PCDHGA5: variants seen among roughly 807,000 people sequenced by gnomAD.
The protein encoded by PCDHGA5 is protocadherin gamma subfamily A, 5, also known as protocadherin gamma-A5.
A neutral mutation model predicts 56.7 loss-of-function variants in PCDHGA5; 36 were observed. The observed-to-expected ratio is 0.64, with a 90% confidence interval of 0.49 to 0.84. PCDHGA5 has a LOEUF of 0.84. Ranked by LOEUF, PCDHGA5 falls within the 40% of genes least tolerant of loss-of-function variation. The pLI is 0.00. For missense variants in PCDHGA5, 1,305 were observed against 1,201.5 expected, an observed-to-expected ratio of 1.09 and a Z score of -1.27; for synonymous variants, 563 against 520.2, an observed-to-expected ratio of 1.08 and a Z score of -1.12.
At chr5:141,390,114 G>A in intron 1 of PCDHGA5, 1 of 1,614,048 alleles carries the variant, frequency 6.2e-7, no homozygotes, top group African/African-American at 1.3e-5. Flanking sequence ...CTACAGCGAG[G>A]GGACTTTGCC....
rs377367120 is a variant in PCDHGA5, at chr5:141,431,614, C to A, written c.2422-63193C>A. On this transcript the variant is annotated intron_variant, in intron 1 of 3. Transcript: ENST00000518069. The surrounding 1 kb of genome is among the most constrained non-coding windows in gnomAD (Gnocchi z 4.8). ...TGAGGTATTCCTTCCGGTATGTGGA[C>A]GACAAGGCGGCCCAAGTTTTCAAAC... The A allele has an allele frequency of 8.7e-6, 14 of 1,614,206 alleles. No individual in the cohort carries two copies. In the African/African-American group the frequency reaches 1.6e-4, roughly 18 times the overall value.
intron 1 of PCDHGA5, chr5:141,371,767 C>A: frequency 6.2e-7 from 1 of 1,614,030 alleles, no homozygotes; most frequent in Non-Finnish European, 8.5e-7. Context: ...GCCTCCTACA[C>A]CGTGCATGTA....
intron 1 of PCDHGA5, chr5:141,408,762 A>G (rs369793035): frequency 1.9e-5 from 30 of 1,610,942 alleles, no homozygotes; most frequent in Non-Finnish European, 2.3e-5. Flanking sequence ...GTTAATTCCG[A>G]TGGTGGCAAA....
At chr5:141,390,177 C>A in intron 1 of PCDHGA5, 1 of 1,613,986 alleles carries the variant, frequency 6.2e-7, no homozygotes, top group Non-Finnish European at 8.5e-7. Context: ...GTTTAATTTC[C>A]TAAAATGTAG....
chr5:141,393,492 C>T (rs778632774), intron 1 of PCDHGA5: 11 of 1,613,922 alleles, frequency 6.8e-6, no homozygotes, highest in African/African-American at 1.3e-5. Flanking sequence ...TAGCACAGTG[C>T]GCATCCACGT....
At chr5:141,474,426 C>T (rs2099349464) in intron 1 of PCDHGA5, among the ~76,000 whole-genome samples, 1 of 152,198 alleles carries the variant, frequency 6.6e-6, no homozygotes, top group Non-Finnish European at 1.5e-5. Context: ...ACCATTGGTC[C>T]TCACACTTTG....
rs758674133 is a variant in PCDHGA5 at position 141,371,791 on chromosome 5, C to T, written c.2421+5040C>T. 1.9e-6 allele frequency: 3 copies of T among 1,613,820 alleles called. No homozygotes were observed. In the African/African-American group the frequency reaches 4.0e-5, roughly 22 times the overall value. The stretch of plus-strand genomic sequence containing the variant: ...ACCGTGCATGTAGCTGAGAACAATC[C>T]GCCTGGAGCCTCCATTGCGCATGTC... On this transcript the variant is annotated intron_variant, in intron 1 of 3. Coordinates refer to ENST00000518069, the MANE Select transcript of PCDHGA5 (RefSeq NM_018918.3).
intron 1 of PCDHGA5, chr5:141,395,542 TTGTG>T (rs55729045): frequency 0.22 from 37,255 of 170,042 alleles, 4,387 homozygotes; most frequent in East Asian, 0.36. Flanking sequence ...TTGCTATTGT[TTGTG>T]TGTGTGTGTG....
In PCDHGA5 at chr5:141,489,523, C is replaced by CT. The variant is rs1379784656; in HGVS notation, c.2422-5283dup. On this transcript the variant is annotated intron_variant, in intron 1 of 3. Coordinates refer to ENST00000518069, the MANE Select transcript of PCDHGA5 (RefSeq NM_018918.3). The surrounding 1 kb of genome is among the most constrained non-coding windows in gnomAD (Gnocchi z 4.5). ...GAATCAAAAGATTGACCGAGAAAGC[C>CT]TATGTGGAGCCAGCACCAGCTGCCT... 1 of 1,614,006 alleles carries CT rather than the reference C, an allele frequency of 6.2e-7. No homozygotes were observed. Among genetic ancestry groups the CT allele is most frequent in the Non-Finnish European group, 8.5e-7 (1 of 1,180,044 alleles).
chr5:141,408,568 G>A (rs1282391205), intron 1 of PCDHGA5: 2 of 1,613,936 alleles, frequency 1.2e-6, no homozygotes, highest in African/African-American at 2.7e-5. Flanking sequence ...TCATTGTGGT[G>A]ATTGAGGATG....
rs1384951887 is a variant in PCDHGA5, at chr5:141,465,860, T to C, written c.2422-28947T>C. ...AACTGAGGCTGGGCCCAGTGGCTCA[T>C]GCCTGTAATCCCAGCACTTTGGGAG... On this transcript the variant is annotated intron_variant, in intron 1 of 3. Coordinates refer to ENST00000518069, the MANE Select transcript of PCDHGA5 (RefSeq NM_018918.3). Among the ~76,000 whole-genome samples the C allele has an allele frequency of 2.0e-5, 3 of 152,114 alleles. No individual in the cohort carries two copies. The South Asian group carries it at 6.2e-4, about 32-fold the overall frequency.
Position 141,377,593 on chromosome 5 carries a change from C to T in PCDHGA5, c.2421+10842C>T, listed in dbSNP as rs923684056. 2.8e-4 allele frequency: 40 copies of T among 144,542 alleles called. 1 individual carries two copies. The highest frequency in any genetic ancestry group is 4.7e-4 in the African/African-American group (18 of 38,630). 9.0% of individuals were successfully genotyped at this position (144,542 alleles called of 1,614,324 possible). On this transcript the variant is annotated intron_variant, in intron 1 of 3. Transcript: ENST00000518069. ...CCTGGGAGACAGAATGAGACTTTTT[C>T]TCTCTCTCTCTCAAAAAAAAAAAAA...
intron 1 of PCDHGA5, among the ~76,000 whole-genome samples, chr5:141,459,660 T>C (rs73280323): frequency 7.9e-4 from 120 of 152,386 alleles, no homozygotes; most frequent in African/African-American, 2.7e-3. Flanking sequence ...AATATCACTT[T>C]ACATTTTCAT....
chr5:141,375,822 G>C (rs1439795137), intron 1 of PCDHGA5: 3 of 1,614,144 alleles, frequency 1.9e-6, no homozygotes. Context: ...CTGGCGCCCC[G>C]CTCCGCAGAG....
Position 141,431,601 on chromosome 5 carries a change from T to G in PCDHGA5, c.2422-63206T>G. 1 of 1,614,202 alleles carries G rather than the reference T, an allele frequency of 6.2e-7. No homozygotes were observed. Among genetic ancestry groups the G allele is most frequent in the Non-Finnish European group, 8.5e-7 (1 of 1,180,032 alleles). On this transcript the variant is annotated intron_variant, in intron 1 of 3. Transcript: ENST00000518069. The surrounding 1 kb of genome is among the most constrained non-coding windows in gnomAD (Gnocchi z 4.8). Reference sequence around the variant, plus strand: ...GTCAATGCGGAAGTGAGGTATTCCTTCCGGTATGTGGACGACAAGGCGGCC... The same window carrying G: ...GTCAATGCGGAAGTGAGGTATTCCTGCCGGTATGTGGACGACAAGGCGGCC...
At chr5:141,415,208 A>C in intron 1 of PCDHGA5, 3 of 1,614,024 alleles carry the variant, frequency 1.9e-6, no homozygotes, top group Non-Finnish European at 2.5e-6. Context: ...GTCCTGGCGG[A>C]CCTCGGCAGC....
intron 1 of PCDHGA5, among the ~76,000 whole-genome samples, chr5:141,465,779 GT>G (rs879859429): frequency 5.2e-4 from 76 of 145,138 alleles, no homozygotes; most frequent in South Asian, 1.1e-3. Flanking sequence ...TCTTGTTACA[GT>G]TTTTTTTTTT....
rs189767695 is a variant in PCDHGA5, at chr5:141,497,247, T to C, written c.2480+2382T>C. Among the ~76,000 whole-genome samples the C allele has an allele frequency of 2.0e-5, 3 of 151,456 alleles. No individual in the cohort carries two copies. The East Asian group carries it at 5.8e-4, about 29-fold the overall frequency. ...ATCAGAGAAGGCTTCTAGGAGGAGGTGACATTGAGAAGTTCTAGGCCATTT... is the reference window on the plus strand; with the variant it reads ...ATCAGAGAAGGCTTCTAGGAGGAGGCGACATTGAGAAGTTCTAGGCCATTT... On this transcript the variant is annotated intron_variant, in intron 2 of 3. Transcript: ENST00000518069.
At position 141,399,361 on chromosome 5, in the gene PCDHGA5, C is replaced by T. The variant is rs375619778; in HGVS notation, c.2421+32610C>T. 7.2e-5 allele frequency: 117 copies of T among 1,613,842 alleles called. No individual in the cohort carries two copies. Among genetic ancestry groups the T allele is most frequent in the Non-Finnish European group, 9.7e-5 (115 of 1,179,910 alleles). ...TGGAACCCTAGACCGAGAGCAAACC[C>T]CGGAGTACAATGTCACCATCACAGC... On this transcript the variant is annotated intron_variant, in intron 1 of 3. Transcript: ENST00000518069.
Sources: allele counts gnomAD v4.1 joint callset (sites outside exome capture counted in the v4.1 genomes callset), GRCh38; gene constraint gnomAD v4.1.1; non-coding constraint Gnocchi (gnomAD v3.1); transcripts MANE v1.5; gene names NCBI Gene and HGNC (gene_info 2026-07-23, HGNC 2026-07-21).